The following DGKB variants were observed in gnomAD, a reference collection of about 807,000 sequenced individuals.
The protein encoded by DGKB is 90 kDa diacylglycerol kinase.
In DGKB, 67 loss-of-function variants were observed where a neutral mutation model predicts 114.3. That is an observed-to-expected ratio of 0.59 (90% CI 0.48 to 0.72). The LOEUF is 0.72. Ranked by LOEUF, DGKB falls within the 30% of genes least tolerant of loss-of-function variation. DGKB has a pLI of 0.00. For missense variants in DGKB, 907 were observed against 975.2 expected (o/e 0.93, Z 0.93); for synonymous variants, 398 against 323.1 (o/e 1.23, Z -2.49).
At chr7:14,459,934 G>A (rs1832826309) in intron 21 of DGKB, among the ~76,000 whole-genome samples, 2 of 152,036 alleles carry the variant, frequency 1.3e-5, no homozygotes, top group Admixed American at 6.6e-5. Flanking sequence ...GAGAGAGGGG[G>A]GCCAATAATC....
At position 14,188,806 on chromosome 7, in the gene DGKB, T is replaced by C. The variant is rs1014137627; in HGVS notation, c.2123-10655A>G. On this transcript the variant is annotated intron_variant, in intron 23 of 25. Coordinates refer to ENST00000402815, the MANE Select transcript of DGKB (RefSeq NM_001350709.2). ...CAAAAGAAAAGTATCAAGTCTCTTATAAGGGAATCTGCATCACACTATTAG... is the reference window on the plus strand; with the variant it reads ...CAAAAGAAAAGTATCAAGTCTCTTACAAGGGAATCTGCATCACACTATTAG... Among the ~76,000 whole-genome samples, 6 of 151,960 alleles carry C rather than the reference T, an allele frequency of 3.9e-5. No individual in the cohort carries two copies. The East Asian group carries it at 1.2e-3, about 29-fold the overall frequency.
intron 4 of DGKB, among the ~76,000 whole-genome samples, chr7:14,745,698 C>CA (rs1833185232): frequency 6.6e-6 from 1 of 152,200 alleles, no homozygotes; most frequent in Admixed American, 6.5e-5. Flanking sequence ...GTGTGGTGGC[C>CA]TGGTATTCAA....
chr7:14,822,065 CAG>C (rs1389781402), intron 2 of DGKB, among the ~76,000 whole-genome samples: 1 of 152,068 alleles, frequency 6.6e-6, no homozygotes, highest in East Asian at 1.9e-4. Context: ...AAGGGAGAGA[CAG>C]AGATGTATTT....
intron 1 of DGKB, among the ~76,000 whole-genome samples, chr7:14,917,445 A>C (rs1002465801): frequency 1.3e-5 from 2 of 152,026 alleles, no homozygotes; most frequent in African/African-American, 2.4e-5. Context: ...AATAGAGGTC[A>C]TCACTGATCC....
chr7:14,748,161 C>A (rs1365371891), intron 4 of DGKB, among the ~76,000 whole-genome samples: 1 of 152,164 alleles, frequency 6.6e-6, no homozygotes, highest in African/African-American at 2.4e-5. Context: ...ACCCACTCTG[C>A]ACCAGGCTCT....
chr7:14,236,896 G>A (rs1047583101), intron 23 of DGKB, among the ~76,000 whole-genome samples: 2 of 150,358 alleles, frequency 1.3e-5, no homozygotes, highest in South Asian at 2.1e-4. Context: ...TTTTTTTCTC[G>A]TGGTGACTTT....
intron 1 of DGKB, among the ~76,000 whole-genome samples, chr7:14,960,735 A>C (rs1786793019): frequency 6.6e-6 from 1 of 152,080 alleles, no homozygotes; most frequent in Non-Finnish European, 1.5e-5. Flanking sequence ...TATTATTACT[A>C]ATGTCACATC....
At position 14,532,786 on chromosome 7, in the gene DGKB, C is replaced by A. The variant is rs10280381; in HGVS notation, c.1770+41426G>T. On this transcript the variant is annotated intron_variant, in intron 20 of 25. Transcript: ENST00000402815. Reference sequence around the variant, plus strand: ...ACATTATCAAGCATATACACTAGAACTGACATAGAACACCCCACCTACCAA... The same window carrying A: ...ACATTATCAAGCATATACACTAGAAATGACATAGAACACCCCACCTACCAA... Among the ~76,000 whole-genome samples the A allele has an allele frequency of 3.6e-3, 543 of 151,672 alleles. 1 individual carries two copies. Among genetic ancestry groups the A allele is most frequent in the African/African-American group, 0.012 (512 of 41,498 alleles).
chr7:14,722,329 T>C (rs1259356437), intron 5 of DGKB, among the ~76,000 whole-genome samples: 1 of 152,156 alleles, frequency 6.6e-6, no homozygotes, highest in Non-Finnish European at 1.5e-5. Context: ...CATAGTGTCA[T>C]AGAGCTGAAA....
intron 1 of DGKB, among the ~76,000 whole-genome samples, chr7:14,889,033 G>A (rs1780752709): frequency 6.6e-6 from 1 of 151,552 alleles, no homozygotes; most frequent in Admixed American, 6.6e-5. Flanking sequence ...AGCTAGAAGT[G>A]CAGGAGCCAG....
At chr7:14,296,398 C>A (rs558097335) in intron 23 of DGKB, among the ~76,000 whole-genome samples, 1 of 152,284 alleles carries the variant, frequency 6.6e-6, no homozygotes, top group African/African-American at 2.4e-5. Flanking sequence ...TTTATCCAAT[C>A]TATCATTGAT....
At chr7:14,637,903 A>G (rs1352653743) in intron 13 of DGKB, among the ~76,000 whole-genome samples, 2 of 152,084 alleles carry the variant, frequency 1.3e-5, no homozygotes, top group Non-Finnish European at 2.9e-5. Flanking sequence ...AATTACTACC[A>G]AAAAGCCACA....
chr7:14,184,537 C>T (rs1163596431), intron 23 of DGKB, among the ~76,000 whole-genome samples: 1 of 152,084 alleles, frequency 6.6e-6, no homozygotes, highest in African/African-American at 2.4e-5. Context: ...CTGCATGACT[C>T]AGCAGAGGCA....
chr7:14,147,248 C>A lies in DGKB; in HGVS notation c.*1883G>T, dbSNP rs1781574216. 6.6e-6 allele frequency: 1 copy of A among 152,038 alleles called. No individual in the cohort carries two copies. Among genetic ancestry groups the A allele is most frequent in the Non-Finnish European group, 1.5e-5 (1 of 67,990 alleles). The allele number at this position is 152,038 out of a possible 1,614,324, so 9.4% of individuals were successfully genotyped here. On this transcript the variant is annotated 3_prime_UTR_variant, in exon 26 of 26. Transcript: ENST00000402815. The stretch of plus-strand genomic sequence containing the variant: ...ACAACTTTTTTATTTTATACCAGCG[C>A]AAGTGATTGCTGTACTAAATTTGCA...
chr7:14,867,784 G>A (rs1016390778), intron 1 of DGKB, among the ~76,000 whole-genome samples: 6 of 152,070 alleles, frequency 3.9e-5, no homozygotes, highest in Admixed American at 6.5e-5. Flanking sequence ...GCGAAAATAC[G>A]GTTCCTTAGC....
intron 23 of DGKB, among the ~76,000 whole-genome samples, chr7:14,214,374 C>T (rs904010814): frequency 3.3e-5 from 5 of 151,570 alleles, no homozygotes; most frequent in Non-Finnish European, 5.9e-5. Flanking sequence ...ATTCCATGTG[C>T]TATTTCAAAT....
chr7:14,478,903 TG>T (rs1782593046), intron 20 of DGKB, among the ~76,000 whole-genome samples: 1 of 152,102 alleles, frequency 6.6e-6, no homozygotes, highest in African/African-American at 2.4e-5. Flanking sequence ...CTGACCCTAA[TG>T]GATGTTTCTT....
chr7:14,867,768 C>T (rs868013131), intron 1 of DGKB, among the ~76,000 whole-genome samples: 9 of 151,998 alleles, frequency 5.9e-5, no homozygotes, highest in East Asian at 1.9e-4. Context: ...ATATACTAGC[C>T]GAGCAGCGAA....
At chr7:14,815,737 T>A (rs1272339354) in intron 2 of DGKB, among the ~76,000 whole-genome samples, 5 of 152,130 alleles carry the variant, frequency 3.3e-5, no homozygotes, top group Non-Finnish European at 7.4e-5. Flanking sequence ...CAGAACTCCC[T>A]CTTCCTCCCT....
Sources: allele counts gnomAD v4.1 joint callset (sites outside exome capture counted in the v4.1 genomes callset), GRCh38; gene constraint gnomAD v4.1.1; transcripts MANE v1.5; gene names NCBI Gene and HGNC (gene_info 2026-07-23, HGNC 2026-07-21).